PEX5L: variants seen among roughly 807,000 people sequenced by gnomAD.
PEX5L encodes peroxisomal biogenesis factor 5 like, also known as PEX5-related protein.
Under a neutral mutation model 84.0 loss-of-function variants are expected in PEX5L, and 30 were observed. The observed-to-expected ratio is 0.36, with a 90% CI of 0.27 to 0.48. The LOEUF (loss-of-function observed/expected upper bound fraction) is 0.48. Ranked by LOEUF, PEX5L falls within the 20% of genes least tolerant of loss-of-function variation. PEX5L has a pLI of 0.99. For synonymous variants in PEX5L, 270 were observed against 283.1 expected (o/e 0.95, Z 0.46); for missense variants, 533 against 754.6 (o/e 0.71, Z 3.44).
At chr3:179,995,089 T>C (rs571408063) in intron 1 of PEX5L, among the ~76,000 whole-genome samples, 4 of 147,922 alleles carry the variant, frequency 2.7e-5, no homozygotes, top group Admixed American at 1.4e-4. Flanking sequence ...AGTATATATA[T>C]AGTATATATA....
At chr3:179,906,624 T>A (rs867997378) in intron 2 of PEX5L, among the ~76,000 whole-genome samples, 2 of 152,230 alleles carry the variant, frequency 1.3e-5, no homozygotes, top group South Asian at 4.1e-4. Context: ...GTGTGAAATA[T>A]GTAACAAAAA....
At chr3:179,897,055 T>C (rs1229505395) in intron 3 of PEX5L, among the ~76,000 whole-genome samples, 1 of 152,142 alleles carries the variant, frequency 6.6e-6, no homozygotes, top group Non-Finnish European at 1.5e-5. Context: ...TTTGATGTTA[T>C]ATGTTATAAT....
chr3:179,863,457 T>C (rs910923585), intron 7 of PEX5L, among the ~76,000 whole-genome samples: 5 of 152,018 alleles, frequency 3.3e-5, no homozygotes, highest in African/African-American at 1.2e-4. Flanking sequence ...GGGGTTAACA[T>C]CTAAAATATA....
At chr3:179,843,409 G>A (rs1262818794) in intron 8 of PEX5L, among the ~76,000 whole-genome samples, 1 of 152,182 alleles carries the variant, frequency 6.6e-6, no homozygotes, top group Non-Finnish European at 1.5e-5. Flanking sequence ...GTATCATGAT[G>A]TAATCTAATG....
intron 2 of PEX5L, among the ~76,000 whole-genome samples, chr3:179,966,056 T>G (rs1295692263): frequency 6.6e-6 from 1 of 152,206 alleles, no homozygotes; most frequent in African/African-American, 2.4e-5. Context: ...CAAATTTGAA[T>G]AGTCTCTCTC....
In PEX5L at chr3:179,807,830, T is replaced by G; in HGVS notation, c.1520A>C (p.Asp507Ala). 6.2e-7 allele frequency: 1 copy of G among 1,612,368 alleles called. No homozygotes were observed. Among genetic ancestry groups the G allele is most frequent in the Non-Finnish European group, 8.5e-7 (1 of 1,179,182 alleles). Residue 507 changes from aspartate to alanine, a missense_variant and splice_region_variant, in exon 14 of 15, where the codon GAC becomes GCC. Transcript: ENST00000467460. ...CCCGAGGCGGTTCCATAGTGAATAG[T>G]CCTGATGACAAAATCAGAACTTTCT... ...FNAALTVRPE[D>A]YSLWNRLGAT...
At chr3:179,845,907 C>T (rs1334829917) in intron 8 of PEX5L, among the ~76,000 whole-genome samples, 4 of 152,284 alleles carry the variant, frequency 2.6e-5, no homozygotes, top group Non-Finnish European at 4.4e-5. Flanking sequence ...CGGTGGCTCA[C>T]GCCTGTAATG....
intron 8 of PEX5L, among the ~76,000 whole-genome samples, chr3:179,837,433 C>T (rs987453368): frequency 6.6e-6 from 1 of 152,166 alleles, no homozygotes; most frequent in Non-Finnish European, 1.5e-5. Flanking sequence ...ATGCCTACCT[C>T]TTTCACTTGG....
intron 2 of PEX5L, chr3:179,921,657 T>C (rs1769450687): frequency 6.6e-6 from 1 of 152,194 alleles, no homozygotes; most frequent in Non-Finnish European, 1.5e-5. Flanking sequence ...TCTCTCTTGG[T>C]GTACAATGGT....
intron 3 of PEX5L, among the ~76,000 whole-genome samples, chr3:179,889,514 G>C (rs561854663): frequency 1.9e-4 from 29 of 152,272 alleles, no homozygotes; most frequent in Middle Eastern, 3.4e-3. Context: ...TGAGGGATGG[G>C]CTTTGAGAAC....
At chr3:180,004,399 C>T (rs974453825) in intron 1 of PEX5L, among the ~76,000 whole-genome samples, 2 of 152,096 alleles carry the variant, frequency 1.3e-5, no homozygotes, top group Admixed American at 6.5e-5. Context: ...GGAAAGGAGA[C>T]TCAAACTGCA....
In PEX5L at chr3:180,036,815, C is replaced by G. The variant is rs541900423; in HGVS notation, c.-216G>C. 8 of 572,368 alleles carry G rather than the reference C, an allele frequency of 1.4e-5. No homozygotes were observed. The African/African-American group carries it at 1.5e-4, about 11-fold the overall frequency. The allele number at this position is 572,368 out of a possible 1,614,324, so 35.5% of individuals were successfully genotyped here. On this transcript the variant is annotated 5_prime_UTR_variant, in exon 1 of 15. Transcript: ENST00000467460. The stretch of plus-strand genomic sequence containing the variant: ...CTCCGCTCGGGGTGCTGAAAGCGGA[C>G]GCGGGAGAGCGCGCAGAGAAGGCGA...
At chr3:180,015,891 T>A (rs113096513) in intron 1 of PEX5L, among the ~76,000 whole-genome samples, 1 of 116,760 alleles carries the variant, frequency 8.6e-6, no homozygotes, top group African/African-American at 4.2e-5. Context: ...ATTTAATATA[T>A]TATATATAAT....
intron 1 of PEX5L, among the ~76,000 whole-genome samples, chr3:180,030,307 C>T (rs762942162): frequency 6.6e-6 from 1 of 152,178 alleles, no homozygotes; most frequent in East Asian, 1.9e-4. Flanking sequence ...TCACCCATAT[C>T]TCTCCCTTCA....
intron 2 of PEX5L, among the ~76,000 whole-genome samples, chr3:179,912,429 T>G (rs1765498869): frequency 6.6e-6 from 1 of 152,124 alleles, no homozygotes; most frequent in Non-Finnish European, 1.5e-5. Flanking sequence ...ATGAGACAGG[T>G]TGAAATTGAT....
intron 14 of PEX5L, among the ~76,000 whole-genome samples, chr3:179,802,438 G>A (rs1178919788): frequency 6.6e-6 from 1 of 151,290 alleles, no homozygotes; most frequent in Non-Finnish European, 1.5e-5. Flanking sequence ...GGGAGGCTGA[G>A]GCAGGAGAAT....
chr3:180,010,089 G>A (rs1168781559), intron 1 of PEX5L, among the ~76,000 whole-genome samples: 12 of 151,698 alleles, frequency 7.9e-5, no homozygotes, highest in Admixed American at 3.3e-4. Flanking sequence ...GACTACAGGC[G>A]CCCGCCACCA....
rs369244711 is a variant in PEX5L, at chr3:179,802,532, CA to C, written c.1677-501del. On this transcript the variant is annotated intron_variant, in intron 14 of 14. Transcript: ENST00000467460. ...CCTGGGCAACAGAGTGAGACTGTCT[CA>C]AAAAAAAAAAAAAAAAAAAAAGAAA... Among the ~76,000 whole-genome samples the C allele has an allele frequency of 5.8e-3, 426 of 73,896 alleles. 1 individual carries two copies. Among genetic ancestry groups the C allele is most frequent in the Middle Eastern group, 0.016 (2 of 124 alleles). 48.5% of individuals were successfully genotyped at this position (73,896 alleles called of 152,430 possible).
intron 2 of PEX5L, among the ~76,000 whole-genome samples, chr3:179,939,779 G>T (rs569267833): frequency 5.3e-5 from 8 of 152,312 alleles, no homozygotes; most frequent in African/African-American, 1.9e-4. Context: ...GAGCAGACAG[G>T]TGTGAATAGC....
Sources: gnomAD v4.1 joint callset for allele counts (sites outside exome capture counted in the v4.1 genomes callset) on GRCh38, gnomAD v4.1.1 for gene constraint, MANE v1.5 for transcripts, NCBI Gene and HGNC (gene_info 2026-07-23, HGNC 2026-07-21) for gene names.